Variants in NCAPG observed in about 807,000 individuals in gnomAD.
The protein encoded by NCAPG is condensin complex subunit 3.
NCAPG carries 69 observed loss-of-function variants against 113.1 expected under a neutral mutation model. That is an observed-to-expected ratio of 0.61 (90% CI 0.50 to 0.75). NCAPG has a LOEUF of 0.75. Among genes scored for constraint, NCAPG ranks in the 30% least tolerant of loss-of-function variants. The pLI is 0.00. For missense variants in NCAPG, 1,058 were observed against 1,177.0 expected, an observed-to-expected ratio of 0.90 and a Z score of 1.48; for synonymous variants, 370 against 415.8, an observed-to-expected ratio of 0.89 and a Z score of 1.34.
chr4:17,812,373 G>A lies in NCAPG; in HGVS notation c.264G>A (p.Glu88=), dbSNP rs1383524064. 3 of 1,613,752 alleles carry A rather than the reference G, an allele frequency of 1.9e-6. No homozygotes were observed. Among genetic ancestry groups the A allele is most frequent in the Non-Finnish European group, 2.5e-6 (3 of 1,179,828 alleles). Residue 88 remains glutamate (E), a synonymous_variant, in exon 2 of 21, where the codon GAG becomes GAA. Coordinates refer to ENST00000251496, the MANE Select transcript of NCAPG (RefSeq NM_022346.5). ...SFHQSDMEDD[E]EEEDGGLLNY... The stretch of plus-strand genomic sequence containing the variant: ...ACCAATCAGATATGGAAGATGATGA[G>A]GAAGAGGAAGATGGTGGCCTTTTAA...
chr4:17,820,260 G>T (rs1174659159), intron 7 of NCAPG, among the ~76,000 whole-genome samples: 1 of 152,072 alleles, frequency 6.6e-6, no homozygotes, highest in East Asian at 1.9e-4. Context: ...TCTTAGTTTT[G>T]AAATAAGTAA....
intron 14 of NCAPG, 67 bp from the exon 15 acceptor site, chr4:17,837,092 G>A (rs1360279306): frequency 7.1e-7 from 1 of 1,403,504 alleles, no homozygotes; most frequent in Non-Finnish European, 9.9e-7. Flanking sequence ...CTGTAGGACA[G>A]GCTACATTGA....
Position 17,815,351 on chromosome 4 carries a change from C to A in NCAPG, c.768C>A (p.Asp256Glu). 6.3e-7 allele frequency: 1 copy of A among 1,583,924 alleles called. No homozygotes were observed. The highest frequency in any genetic ancestry group is 8.5e-7 in the Non-Finnish European group (1 of 1,171,902). ...TGCTCCTTCAACAAGGTCTTAATGA[C>A]AGATCAGGTAAGATAAACAACTTTA... ...RVMLLQQGLN[D>E]RSDAVKQAMQ... is the part of the protein sequence containing the mutation. Residue 256 changes from aspartate (D) to glutamate (E), a missense_variant, in exon 5 of 21, where the codon GAC becomes GAA. Physicochemically the swap from Asp to Glu is conservative, Grantham distance 45 (BLOSUM62 2). Transcript: ENST00000251496.
At chr4:17,837,056 G>T in intron 14 of NCAPG, 103 bp from the exon 15 acceptor site, 1 of 983,066 alleles carries the variant, frequency 1.0e-6, no homozygotes, top group Non-Finnish European at 1.5e-6. Context: ...AACTCGAATG[G>T]TTTTTGGATG....
At chr4:17,816,805 T>C (rs1261250432) in intron 5 of NCAPG, among the ~76,000 whole-genome samples, 3 of 152,224 alleles carry the variant, frequency 2.0e-5, no homozygotes, top group African/African-American at 4.8e-5. Flanking sequence ...ACAGTGACTT[T>C]TGCAGTATCA....
At chr4:17,840,320 T>C in intron 18 of NCAPG, 111 bp downstream of exon 18, 1 of 1,179,892 alleles carries the variant, frequency 8.5e-7, no homozygotes, top group South Asian at 2.3e-5. Flanking sequence ...CAGAAATGAA[T>C]GAAATTTTTT....
chr4:17,817,300 G>A lies in NCAPG; in HGVS notation c.815G>A (p.Gly272Asp), dbSNP rs1450002233. The A allele has an allele frequency of 6.2e-7, 1 of 1,614,058 alleles. No individual in the cohort carries two copies. The highest frequency in any genetic ancestry group is 1.1e-5 in the South Asian group (1 of 91,070). Residue 272 changes from glycine to aspartate, a missense_variant, in exon 6 of 21, where the codon GGC (glycine) becomes GAC (aspartate). Gly to Asp is a moderately conservative substitution (Grantham distance 94). Coordinates refer to ENST00000251496, the MANE Select transcript of NCAPG (RefSeq NM_022346.5). ...KQAMQKHLLQ[G>D]WLRFSEGNIL... ...GCTATGCAGAAGCATCTTCTTCAAGGCTGGTTACGGTTCTCTGAAGGAAAT... is the reference window on the plus strand; with the variant it reads ...GCTATGCAGAAGCATCTTCTTCAAGACTGGTTACGGTTCTCTGAAGGAAAT...
rs1301241272 is a variant in NCAPG, at chr4:17,840,587, T to G, written c.2768-20T>G. The stretch of plus-strand genomic sequence containing the variant: ...CATGAGGTTATCTTATTTATATTGT[T>G]GTATTATTCCCTTTAATAGAAAAGA... On this transcript the variant is annotated intron_variant, in intron 18 of 20. Transcript: ENST00000251496. 2.3e-6 allele frequency: 3 copies of G among 1,298,864 alleles called. No individual in the cohort carries two copies. Among genetic ancestry groups the G allele is most frequent in the Non-Finnish European group, 2.1e-6 (2 of 969,316 alleles). The allele number at this position is 1,298,864 out of a possible 1,614,324, so 80.5% of individuals were successfully genotyped here. A position where few individuals can be genotyped will look rare whatever the true frequency, so the allele number is the denominator to read the frequency against.
intron 3 of NCAPG, among the ~76,000 whole-genome samples, chr4:17,814,252 G>A (rs538163797): frequency 6.6e-6 from 1 of 152,210 alleles, no homozygotes; most frequent in East Asian, 1.9e-4. Flanking sequence ...AGGGCTATTT[G>A]TTTTCACTTT....
chr4:17,834,257 T>G (rs770115563), intron 13 of NCAPG, 42 bp from the exon 14 acceptor site: 1 of 1,291,324 alleles, frequency 7.7e-7, no homozygotes, highest in South Asian at 1.6e-5. Context: ...ACAAAACAGT[T>G]TACTGAATTT....
intron 16 of NCAPG, 142 bp downstream of exon 16, chr4:17,837,943 G>T: frequency 1.2e-6 from 1 of 841,636 alleles, no homozygotes; most frequent in Non-Finnish European, 1.9e-6. Context: ...AAAGAAACAT[G>T]ACCTTGGGAA....
rs376149407 is a variant in NCAPG at position 17,815,816 on chromosome 4, G to A, written c.775+458G>A. On this transcript the variant is annotated intron_variant, in intron 5 of 20. Coordinates refer to ENST00000251496, the MANE Select transcript of NCAPG (RefSeq NM_022346.5). Reference sequence around the variant, plus strand: ...TGGGATTACAGGTGTGAGCCACCGCGTCTGGCCAAGATCTTGGTATTTTGA... The same window carrying A: ...TGGGATTACAGGTGTGAGCCACCGCATCTGGCCAAGATCTTGGTATTTTGA... Among the ~76,000 whole-genome samples, 106 of 152,270 alleles carry A rather than the reference G, an allele frequency of 7.0e-4. 2 individuals carry two copies. In the South Asian group the frequency reaches 0.021, roughly 29 times the overall value.
Position 17,828,389 on chromosome 4 carries a change from G to T in NCAPG, c.1764+1G>T. On this transcript the variant is annotated splice_donor_variant, in intron 12 of 20. Coordinates refer to ENST00000251496, the MANE Select transcript of NCAPG (RefSeq NM_022346.5). LOFTEE classifies it high-confidence loss of function. ...CATGAATGGAATCATCGAATCTTTG[G>T]TATGTTGATGGCCTCTTGGGCTTTA... 6.3e-7 allele frequency: 1 copy of T among 1,580,054 alleles called. No homozygotes were observed. The highest frequency in any genetic ancestry group is 8.7e-7 in the Non-Finnish European group (1 of 1,152,636).
chr4:17,825,964 ATGG>A (rs1721643221), intron 11 of NCAPG, among the ~76,000 whole-genome samples: 1 of 152,074 alleles, frequency 6.6e-6, no homozygotes, highest in South Asian at 2.1e-4. Flanking sequence ...AATAATTTCT[ATGG>A]TAACGTGCAT....
Position 17,812,959 on chromosome 4 carries a change from C to T in NCAPG, c.358C>T (p.Leu120=), listed in dbSNP as rs1328726626. The change falls in exon 3 of 21, where the codon CTG becomes TTG. Residue 120 remains leucine, a synonymous_variant. Transcript: ENST00000251496. The stretch of plus-strand genomic sequence containing the variant: ...CAATGCAGTGAGATTTAGAGTGTGC[C>T]TGCTCATAAACAAGCTTTTGGGAAG... The part of the protein sequence containing the change: ...NSNAVRFRVC[L]LINKLLGSMP... The T allele has an allele frequency of 6.2e-7, 1 of 1,613,940 alleles. No individual in the cohort carries two copies.
intron 18 of NCAPG, 37 bp downstream of exon 18, chr4:17,840,246 G>GTT (rs757492182): frequency 2.9e-4 from 338 of 1,158,598 alleles, no homozygotes; most frequent in South Asian, 8.6e-4. Context: ...ATAAGGTTCT[G>GTT]TTTTTTTTTT....
intron 14 of NCAPG, among the ~76,000 whole-genome samples, chr4:17,836,597 G>T (rs567223071): frequency 2.8e-4 from 42 of 152,232 alleles, no homozygotes; most frequent in Middle Eastern, 3.4e-3. Context: ...TGCATTTTCA[G>T]TTAATATTTG....
rs952470610 is a variant in NCAPG, at chr4:17,844,670, A to ATT, written c.*1247_*1248dup. Reference sequence around the variant, plus strand: ...CTTATGTGTTGTTGTTTTAAAGACAATTTGCAGGGGGTTGGGAGAAGGACT... The same window carrying ATT: ...CTTATGTGTTGTTGTTTTAAAGACAATTTTTGCAGGGGGTTGGGAGAAGGACT... On this transcript the variant is annotated 3_prime_UTR_variant, in exon 21 of 21. Coordinates refer to ENST00000251496, the MANE Select transcript of NCAPG (RefSeq NM_022346.5). 3.5e-4 allele frequency: 53 copies of ATT among 152,490 alleles called. No individual in the cohort carries two copies. The highest frequency in any genetic ancestry group is 1.3e-3 in the African/African-American group (53 of 41,532). The allele number at this position is 152,490 out of a possible 1,614,324, so 9.4% of individuals were successfully genotyped here.
intron 3 of NCAPG, among the ~76,000 whole-genome samples, chr4:17,814,373 C>T (rs1721109844): frequency 6.6e-6 from 1 of 152,056 alleles, no homozygotes; most frequent in Non-Finnish European, 1.5e-5. Context: ...TGGCTCCAAC[C>T]TGGGCAACAT....
Sources: gnomAD v4.1 joint callset for allele counts (sites outside exome capture counted in the v4.1 genomes callset) on GRCh38, gnomAD v4.1.1 for gene constraint, MANE v1.5 for transcripts, NCBI Gene and HGNC (gene_info 2026-07-23, HGNC 2026-07-21) for gene names.